The following COL24A1 variants were observed in gnomAD, a reference collection of about 807,000 sequenced individuals.
The protein encoded by COL24A1 is collagen alpha-1(XXIV) chain.
A neutral mutation model predicts 253.9 loss-of-function variants in COL24A1; 224 were observed. The observed-to-expected ratio is 0.88, with a 90% CI of 0.79 to 0.99. The LOEUF (loss-of-function observed/expected upper bound fraction) is 0.99, where lower values mean the gene tolerates loss of function less well. Among genes scored for constraint, COL24A1 ranks in the 50% least tolerant of loss-of-function variants. The probability of loss-of-function intolerance (pLI) is 0.00; values close to 1 mark genes in which losing one functional copy is unlikely to be tolerated. For missense variants in COL24A1, 2,131 were observed against 2,068.5 expected (o/e 1.03, Z -0.59); for synonymous variants, 685 against 673.7 (o/e 1.02, Z -0.26).
intron 30 of COL24A1, 51 bp downstream of exon 30, chr1:85,895,970 C>CA (rs1423404033): frequency 6.3e-7 from 1 of 1,596,958 alleles, no homozygotes; most frequent in Non-Finnish European, 8.5e-7. Flanking sequence ...CTAAGAAAAA[C>CA]AAAAAAGACT....
In COL24A1 at chr1:85,908,588, C is replaced by T. The variant is rs1685066472; in HGVS notation, c.2724+10G>A. On this transcript the variant is annotated intron_variant, in intron 27 of 59. Transcript: ENST00000370571. ...TCCGGAAGGAATCATAAAGTCTTTC[C>T]TGTACTTACAGGTAATCCCAATGGA... 2.1e-6 allele frequency: 3 copies of T among 1,427,680 alleles called. No individual in the cohort carries two copies. The highest frequency in any genetic ancestry group is 2.3e-5 in the Admixed American group (1 of 44,152). The allele number at this position is 1,427,680 out of a possible 1,614,324, so 88.4% of individuals were successfully genotyped here.
intron 37 of COL24A1, among the ~76,000 whole-genome samples, chr1:85,849,916 C>A (rs1436498734): frequency 6.6e-6 from 1 of 151,872 alleles, no homozygotes; most frequent in Non-Finnish European, 1.5e-5. Flanking sequence ...ACATCTAGTA[C>A]ATGGTCAAGG....
intron 53 of COL24A1, among the ~76,000 whole-genome samples, chr1:85,763,491 T>A (rs986522477): frequency 5.3e-5 from 6 of 112,602 alleles, no homozygotes; most frequent in South Asian, 3.6e-4. Context: ...TCTTTTACTT[T>A]CTTTTTTTTT....
intron 19 of COL24A1, among the ~76,000 whole-genome samples, chr1:86,014,152 T>C (rs1304741737): frequency 6.6e-6 from 1 of 152,242 alleles, no homozygotes; most frequent in African/African-American, 2.4e-5. Context: ...AGTTGTCCTC[T>C]AAATGTTGCT....
intron 19 of COL24A1, among the ~76,000 whole-genome samples, chr1:86,013,830 T>G (rs983478554): frequency 2.0e-5 from 3 of 152,104 alleles, no homozygotes; most frequent in Non-Finnish European, 4.4e-5. Flanking sequence ...AGTGAAACTG[T>G]GTCTCAAAAA....
intron 24 of COL24A1, among the ~76,000 whole-genome samples, chr1:85,921,869 C>A (rs1161939676): frequency 4.6e-5 from 7 of 152,042 alleles, no homozygotes; most frequent in African/African-American, 1.2e-4. Flanking sequence ...CAAACTTCTC[C>A]GAGCTAAAGG....
intron 53 of COL24A1, 50 bp from the exon 54 acceptor site, chr1:85,761,616 G>T (rs1314284430): frequency 6.3e-7 from 1 of 1,588,232 alleles, no homozygotes; most frequent in African/African-American, 1.3e-5. Flanking sequence ...ACTTTTGGTT[G>T]GGTATAAGCA....
intron 18 of COL24A1, among the ~76,000 whole-genome samples, chr1:86,018,690 A>C (rs1318931989): frequency 1.3e-5 from 2 of 152,206 alleles, no homozygotes; most frequent in African/African-American, 4.8e-5. Context: ...TATGAATGTC[A>C]ATTTTTCTTT....
intron 53 of COL24A1, among the ~76,000 whole-genome samples, chr1:85,772,542 AC>A (rs141579268): frequency 0.029 from 4,374 of 152,094 alleles, 205 homozygotes; most frequent in African/African-American, 0.1. Flanking sequence ...CAATAGCCTG[AC>A]TTTTTAATGA....
intron 20 of COL24A1, among the ~76,000 whole-genome samples, chr1:85,983,585 G>A (rs989859649): frequency 7.9e-5 from 12 of 151,902 alleles, no homozygotes; most frequent in South Asian, 6.2e-4. Context: ...TGATTTTCTC[G>A]ATGACCACAT....
chr1:85,925,943 C>T (rs555728316), intron 24 of COL24A1, among the ~76,000 whole-genome samples: 26 of 151,758 alleles, frequency 1.7e-4, no homozygotes, highest in African/African-American at 5.8e-4. Flanking sequence ...GGGCTAATAT[C>T]CAGAAACTAC....
At chr1:85,754,323 T>A (rs1665944066) in intron 55 of COL24A1, among the ~76,000 whole-genome samples, 2 of 58,726 alleles carry the variant, frequency 3.4e-5, no homozygotes, top group Admixed American at 1.8e-4. Flanking sequence ...CACTCATAGG[T>A]GGGAATTGAA....
At chr1:85,775,627 T>C (rs1344137125) in intron 53 of COL24A1, 47 bp downstream of exon 53, 1 of 1,495,086 alleles carries the variant, frequency 6.7e-7, no homozygotes, top group South Asian at 1.2e-5. Flanking sequence ...ATGGAGCTTA[T>C]AGCCTAGTGT....
chr1:85,852,113 C>G (rs966855812), intron 37 of COL24A1, among the ~76,000 whole-genome samples: 2 of 151,166 alleles, frequency 1.3e-5, no homozygotes, highest in East Asian at 1.9e-4. Flanking sequence ...TGTGTGTGTG[C>G]GCGCACGTGC....
At chr1:85,740,107 T>C (rs538676763) in intron 57 of COL24A1, among the ~76,000 whole-genome samples, 76 of 152,270 alleles carry the variant, frequency 5.0e-4, no homozygotes, top group Middle Eastern at 6.8e-3. Context: ...TTCACTCTAC[T>C]TGTCTTATAA....
At chr1:85,908,185 T>C (rs12568820) in intron 27 of COL24A1, among the ~76,000 whole-genome samples, 17,707 of 151,806 alleles carry the variant, frequency 0.12, 1,145 homozygotes, top group South Asian at 0.23. Context: ...TTTTCAATAC[T>C]ACAATTTTTG....
At position 86,034,421 on chromosome 1, in the gene COL24A1, C is replaced by G. The variant is rs111603713; in HGVS notation, c.1951-498G>C. Among the ~76,000 whole-genome samples, 506 of 152,186 alleles carry G rather than the reference C, an allele frequency of 3.3e-3. 1 individual carries two copies. Among genetic ancestry groups the G allele is most frequent in the African/African-American group, 0.011 (470 of 41,530 alleles). On this transcript the variant is annotated intron_variant, in intron 12 of 59. Transcript: ENST00000370571. ...TCTATTCAATAGATACTAATATTCT[C>G]ACATTGTTGTTGAGGAAGTTAAAGC... is the stretch of plus-strand genomic sequence containing the variant.
intron 24 of COL24A1, among the ~76,000 whole-genome samples, chr1:85,951,236 G>C (rs1291761516): frequency 6.6e-6 from 1 of 152,152 alleles, no homozygotes; most frequent in African/African-American, 2.4e-5. Context: ...TTTCTGTATG[G>C]ATAGTTCAAG....
At chr1:86,072,329 G>C (rs1194094024) in intron 7 of COL24A1, among the ~76,000 whole-genome samples, 2 of 152,064 alleles carry the variant, frequency 1.3e-5, no homozygotes, top group Non-Finnish European at 2.9e-5. Flanking sequence ...TGGGGAGAGG[G>C]GTGTCCACCA....
Sources: gnomAD v4.1 joint callset for allele counts (sites outside exome capture counted in the v4.1 genomes callset) on GRCh38, gnomAD v4.1.1 for gene constraint, MANE v1.5 for transcripts, NCBI Gene and HGNC (gene_info 2026-07-23, HGNC 2026-07-21) for gene names.